AFF3: variants seen among roughly 807,000 people sequenced by gnomAD.
AFF3 encodes ALF transcription elongation factor 3, also known as AF4/FMR2 family member 3.
A neutral mutation model predicts 129.7 loss-of-function variants in AFF3; 32 were observed. The observed-to-expected ratio is 0.25, with a 90% CI of 0.19 to 0.33. The LOEUF (loss-of-function observed/expected upper bound fraction) is 0.33. AFF3 is among the 10% of genes least tolerant of loss of function. The pLI is 1.00. For missense variants in AFF3, 1,373 were observed against 1,592.0 expected (o/e 0.86, Z 2.34); for synonymous variants, 644 against 635.4 (o/e 1.01, Z -0.20).
intron 1 of AFF3, among the ~76,000 whole-genome samples, chr2:100,136,892 G>T (rs144615055): frequency 2.1e-3 from 314 of 152,170 alleles, no homozygotes; most frequent in African/African-American, 7.4e-3. Flanking sequence ...TCGCTAAGTA[G>T]ATTTTATAGA....
rs115528962 is a variant in AFF3, at chr2:99,949,344, C to A, written c.873+57288G>T. Among the ~76,000 whole-genome samples the A allele has an allele frequency of 5.6e-3, 848 of 151,916 alleles. 7 individuals are homozygous for A. The highest frequency in any genetic ancestry group is 0.02 in the African/African-American group (819 of 41,402). On this transcript the variant is annotated intron_variant, in intron 7 of 24. Transcript: ENST00000672756. ...TTTTAGTTCACCTAATGCAGCAGTCCCCAATCTTTTTGGCAGTATAGACCA... is the reference window on the plus strand; with the variant it reads ...TTTTAGTTCACCTAATGCAGCAGTCACCAATCTTTTTGGCAGTATAGACCA...
At chr2:100,122,171 T>C (rs1437354089) in intron 2 of AFF3, among the ~76,000 whole-genome samples, 1 of 152,272 alleles carries the variant, frequency 6.6e-6, no homozygotes, top group Non-Finnish European at 1.5e-5. Context: ...CAAGTGTTAC[T>C]GTCTAAAGTT....
Position 99,926,153 on chromosome 2 carries a change from T to C in AFF3, c.873+80479A>G, listed in dbSNP as rs752360374. Among the ~76,000 whole-genome samples the C allele has an allele frequency of 5.3e-5, 8 of 152,218 alleles. No individual in the cohort carries two copies. The South Asian group carries it at 6.2e-4, about 12-fold the overall frequency. ...ACTCTCAGGCATGGGGTTACAGCTG[T>C]AGCATAAACCAATGAGTACGATACC... On this transcript the variant is annotated intron_variant, in intron 7 of 24. Coordinates refer to ENST00000672756, the MANE Select transcript of AFF3 (RefSeq NM_001386135.1).
intron 7 of AFF3, among the ~76,000 whole-genome samples, chr2:99,842,171 C>T (rs926478415): frequency 1.2e-4 from 19 of 152,012 alleles, no homozygotes; most frequent in African/African-American, 3.9e-4. Context: ...TTACAGAAAG[C>T]GTAGGTAGAT....
At chr2:100,138,921 G>C (rs1177515140) in intron 1 of AFF3, among the ~76,000 whole-genome samples, 1 of 139,282 alleles carries the variant, frequency 7.2e-6, no homozygotes, top group East Asian at 2.2e-4. Context: ...CTCCAGCCTG[G>C]GTAACAGAGC....
rs531519983 is a variant in AFF3, at chr2:99,565,406, G to A, written c.3119+81C>T. On this transcript the variant is annotated intron_variant, in intron 20 of 24. Transcript: ENST00000672756. ...TTCCTGGTGGGGGATGGTGCAGGCTGACATTCTTTTCTCTGTAACCATAGT... is the reference window on the plus strand; with the variant it reads ...TTCCTGGTGGGGGATGGTGCAGGCTAACATTCTTTTCTCTGTAACCATAGT... 1.9e-6 allele frequency: 3 copies of A among 1,559,252 alleles called. No homozygotes were observed. In the South Asian group the frequency reaches 3.5e-5, roughly 18 times the overall value.
chr2:99,789,934 A>T (rs1187670836), intron 8 of AFF3, among the ~76,000 whole-genome samples: 2 of 152,270 alleles, frequency 1.3e-5, no homozygotes, highest in Non-Finnish European at 2.9e-5. Flanking sequence ...AGGAATGTAG[A>T]TCCAGTGAAA....
intron 14 of AFF3, among the ~76,000 whole-genome samples, chr2:99,597,758 C>T (rs759689833): frequency 1.3e-5 from 2 of 152,202 alleles, no homozygotes; most frequent in African/African-American, 2.4e-5. Flanking sequence ...GGCCACAGTC[C>T]GCCTCCTGAG....
intron 18 of AFF3, among the ~76,000 whole-genome samples, chr2:99,569,570 G>C (rs1180364394): frequency 6.6e-6 from 1 of 152,170 alleles, no homozygotes; most frequent in Non-Finnish European, 1.5e-5. Context: ...CAGACATGTG[G>C]ATTATTAAAG....
Position 100,006,731 on chromosome 2 carries a change from G to A in AFF3, c.774C>T (p.Ser258=), listed in dbSNP as rs370383487. 1.4e-5 allele frequency: 22 copies of A among 1,614,096 alleles called. No homozygotes were observed. The highest frequency in any genetic ancestry group is 2.2e-5 in the South Asian group (2 of 91,084). The part of the protein sequence containing the change: ...SPKLKSSSET[S]VHCTSYRGVP... ...CTCCCCTGTATGATGTGCAGTGCAC[G>A]CTGGTTTCCGAAGACGACTTCAGCT... is the stretch of plus-strand genomic sequence containing the variant. Residue 258 remains serine, a synonymous_variant, in exon 7 of 25, where the codon AGC becomes AGT. Coordinates refer to ENST00000672756, the MANE Select transcript of AFF3 (RefSeq NM_001386135.1).
chr2:100,040,570 G>C (rs750177247), intron 4 of AFF3, among the ~76,000 whole-genome samples: 3 of 152,282 alleles, frequency 2.0e-5, no homozygotes, highest in Non-Finnish European at 4.4e-5. Flanking sequence ...GGACCACCAT[G>C]AATCCCTGAT....
chr2:100,071,968 T>A (rs1688222724), intron 4 of AFF3, among the ~76,000 whole-genome samples: 1 of 152,174 alleles, frequency 6.6e-6, no homozygotes. Context: ...CCTTCTGACA[T>A]CTGCTACTAA....
intron 16 of AFF3, among the ~76,000 whole-genome samples, chr2:99,585,540 G>GT (rs940242884): frequency 1.3e-5 from 2 of 152,120 alleles, no homozygotes; most frequent in African/African-American, 4.8e-5. Context: ...TAGAGCAAGA[G>GT]TTTTTTAACC....
intron 12 of AFF3, among the ~76,000 whole-genome samples, chr2:99,659,911 T>A (rs1686078187): frequency 6.6e-6 from 1 of 152,174 alleles, no homozygotes; most frequent in African/African-American, 2.4e-5. Context: ...GCAGGTTCCA[T>A]CATGACTCTG....
At chr2:99,628,181 A>G (rs1682778323) in intron 13 of AFF3, among the ~76,000 whole-genome samples, 1 of 152,208 alleles carries the variant, frequency 6.6e-6, no homozygotes, top group Non-Finnish European at 1.5e-5. Context: ...CATGACATTG[A>G]TTCTTCCTAT....
chr2:99,666,226 T>C (rs1686659389), intron 12 of AFF3, among the ~76,000 whole-genome samples: 1 of 152,208 alleles, frequency 6.6e-6, no homozygotes, highest in Non-Finnish European at 1.5e-5. Context: ...ATTCAGGTTG[T>C]TTACTTATGA....
chr2:100,008,741 G>C (rs1682221126), intron 5 of AFF3, 71 bp downstream of exon 5: 4 of 1,549,494 alleles, frequency 2.6e-6, no homozygotes, highest in Non-Finnish European at 3.5e-6. Context: ...AATTCTTTTA[G>C]TCAAGGCCAC....
chr2:99,969,407 T>C (rs977007124), intron 7 of AFF3, among the ~76,000 whole-genome samples: 9 of 152,248 alleles, frequency 5.9e-5, no homozygotes, highest in Non-Finnish European at 1.2e-4. Flanking sequence ...TTCTTATTAA[T>C]GGAAAGTTAT....
chr2:100,006,343 T>C, intron 7 of AFF3: 2 of 293,622 alleles, frequency 6.8e-6, no homozygotes, highest in Non-Finnish European at 1.3e-5. Flanking sequence ...ACACTAGCTA[T>C]TCAGAAGAAA....
Sources: gnomAD v4.1 joint callset for allele counts (sites outside exome capture counted in the v4.1 genomes callset) on GRCh38, gnomAD v4.1.1 for gene constraint, MANE v1.5 for transcripts, NCBI Gene and HGNC (gene_info 2026-07-23, HGNC 2026-07-21) for gene names.